The following ZNF483 variants were observed in gnomAD, a reference collection of about 807,000 sequenced individuals.
ZNF483 encodes zinc finger protein HIT-10.
ZNF483 carries 9 observed loss-of-function variants against 28.6 expected under a neutral mutation model. The observed-to-expected ratio is 0.32, with a 90% CI of 0.19 to 0.55. ZNF483 has a LOEUF of 0.55. ZNF483 is among the 20% of genes least tolerant of loss of function. ZNF483 has a pLI of 0.93. For synonymous variants in ZNF483, 322 were observed against 306.2 expected (o/e 1.05, Z -0.54); for missense variants, 675 against 871.7 (o/e 0.77, Z 2.84).
intron 5 of ZNF483, chr9:111,564,048 T>A (rs1564609778): frequency 5.8e-6 from 1 of 173,474 alleles, no homozygotes. Context: ...TTCATGTTAG[T>A]GAGAAAGGGT....
At chr9:111,528,060 G>A in intron 2 of ZNF483, 1 of 1,395,370 alleles carries the variant, frequency 7.2e-7, no homozygotes, top group Non-Finnish European at 9.4e-7. Flanking sequence ...GACAAGATAG[G>A]ATATAATATA....
intron 5 of ZNF483, among the ~76,000 whole-genome samples, chr9:111,567,167 TA>T (rs907531749): frequency 6.6e-6 from 1 of 152,124 alleles, no homozygotes; most frequent in Non-Finnish European, 1.5e-5. Flanking sequence ...TAGGGCCATT[TA>T]AAAACTTGCC....
chr9:111,561,417 A>T (rs1343709433), intron 5 of ZNF483, among the ~76,000 whole-genome samples: 7 of 152,108 alleles, frequency 4.6e-5, no homozygotes, highest in Non-Finnish European at 4.4e-5. Flanking sequence ...CTGGGACTAT[A>T]GGCACACACC....
chr9:111,543,765 C>CTTTTTTTT lies in ZNF483; in HGVS notation c.*598_*605dup, dbSNP rs143231263. On this transcript the variant is annotated 3_prime_UTR_variant, in exon 6 of 6. Transcript: ENST00000309235. ...CTATTCAGGATGCTGGACTTCTTTT[C>CTTTTTTTT]TTTTTTTTTTCTTTTTTTTTTTTCA... 1 of 733,512 alleles carries CTTTTTTTT rather than the reference C, an allele frequency of 1.4e-6. No homozygotes were observed. Among genetic ancestry groups the CTTTTTTTT allele is most frequent in the Admixed American group, 8.5e-5 (1 of 11,812 alleles). 45.4% of individuals were successfully genotyped at this position (733,512 alleles called of 1,614,324 possible).
intron 5 of ZNF483, chr9:111,563,208 A>G (rs777442842): frequency 1.9e-6 from 3 of 1,613,778 alleles, no homozygotes; most frequent in Non-Finnish European, 2.5e-6. Flanking sequence ...CTTCAATGAT[A>G]TATTCCTTGT....
chr9:111,551,780 T>C lies in ZNF483; in HGVS notation c.*8610T>C, dbSNP rs185837152. On this transcript the variant is annotated 3_prime_UTR_variant, in exon 6 of 6. Coordinates refer to ENST00000309235, the MANE Select transcript of ZNF483 (RefSeq NM_133464.5). ...TTCATTTAATATCTAGGCAAAATTA[T>C]ATCACTTTCAAAACTTTTTAAGTAA... Among the ~76,000 whole-genome samples, 2 of 152,342 alleles carry C rather than the reference T, an allele frequency of 1.3e-5. No homozygotes were observed. The highest frequency in any genetic ancestry group is 2.4e-5 in the African/African-American group (1 of 41,574).
chr9:111,560,668 G>A (rs1368142566), intron 5 of ZNF483, among the ~76,000 whole-genome samples: 8 of 135,074 alleles, frequency 5.9e-5, no homozygotes, highest in Non-Finnish European at 9.3e-5. Flanking sequence ...AAGGCACCAC[G>A]CACGGTGGTT....
chr9:111,569,446 T>C (rs1828712291), intron 5 of ZNF483, among the ~76,000 whole-genome samples: 1 of 152,190 alleles, frequency 6.6e-6, no homozygotes, highest in Non-Finnish European at 1.5e-5. Context: ...AATCAACCAG[T>C]GGATTTCACT....
At chr9:111,529,544 T>G (rs906116513) in intron 2 of ZNF483, among the ~76,000 whole-genome samples, 24 of 152,206 alleles carry the variant, frequency 1.6e-4, no homozygotes, top group African/African-American at 5.3e-4. Context: ...AGTTAGCAGG[T>G]TTGAGCAACT....
In ZNF483 at chr9:111,545,067, G is replaced by T. The variant is rs1827775307; in HGVS notation, c.*1897G>T. On this transcript the variant is annotated 3_prime_UTR_variant, in exon 6 of 6. Coordinates refer to ENST00000309235, the MANE Select transcript of ZNF483 (RefSeq NM_133464.5). ...GTGTGAAATGCTACCTCTGGGAGAA[G>T]GTTTTTGGTGCCTCCCCAACCCCAA... Among the ~76,000 whole-genome samples, 1 of 152,158 alleles carries T rather than the reference G, an allele frequency of 6.6e-6. No individual in the cohort carries two copies. The highest frequency in any genetic ancestry group is 2.4e-5 in the African/African-American group (1 of 41,442).
At position 111,546,486 on chromosome 9, in the gene ZNF483, G is replaced by A. The variant is rs569861980; in HGVS notation, c.*3316G>A. 1.1e-4 allele frequency among the ~76,000 whole-genome samples: 17 copies of A among 152,172 alleles called. No individual in the cohort carries two copies. Among genetic ancestry groups the A allele is most frequent in the African/African-American group, 3.6e-4 (15 of 41,544 alleles). ...GTCAGATTATCAAAAGGCTTTAAAC[G>A]TCTTTTGATTCATTATAGGATTGCT... On this transcript the variant is annotated 3_prime_UTR_variant, in exon 6 of 6. Coordinates refer to ENST00000309235, the MANE Select transcript of ZNF483 (RefSeq NM_133464.5).
Position 111,549,666 on chromosome 9 carries a change from T to A in ZNF483, c.*6496T>A, listed in dbSNP as rs1827882374. 6.9e-7 allele frequency: 1 copy of A among 1,458,834 alleles called. No homozygotes were observed. The allele number at this position is 1,458,834 out of a possible 1,614,324, so 90.4% of individuals were successfully genotyped here. ...GTGGTGGTGGCAGCGGCAGCAGGGTTCCCCATTGATTTTCTAAATGTTTGT... is the reference window on the plus strand; with the variant it reads ...GTGGTGGTGGCAGCGGCAGCAGGGTACCCCATTGATTTTCTAAATGTTTGT... On this transcript the variant is annotated 3_prime_UTR_variant, in exon 6 of 6. Coordinates refer to ENST00000309235, the MANE Select transcript of ZNF483 (RefSeq NM_133464.5).
downstream of ZNF483, among the ~76,000 whole-genome samples, chr9:111,557,000 A>AT (rs1828142806): frequency 6.6e-6 from 1 of 152,062 alleles, no homozygotes; most frequent in Admixed American, 6.5e-5. Context: ...CTGTGAAACC[A>AT]TTTTTTATCT....
intron 5 of ZNF483, among the ~76,000 whole-genome samples, chr9:111,562,238 A>G (rs1034558921): frequency 6.6e-6 from 1 of 151,302 alleles, no homozygotes; most frequent in East Asian, 1.9e-4. Flanking sequence ...CACTTTAAAG[A>G]TGAAAAATCA....
intron 5 of ZNF483, among the ~76,000 whole-genome samples, chr9:111,569,212 G>A (rs989899462): frequency 3.9e-5 from 6 of 152,096 alleles, no homozygotes; most frequent in African/African-American, 7.2e-5. Flanking sequence ...GAGCCCAGAC[G>A]AGCTAACTAA....
chr9:111,557,750 A>T (rs1828166825), downstream of ZNF483, among the ~76,000 whole-genome samples: 1 of 152,144 alleles, frequency 6.6e-6, no homozygotes, highest in Non-Finnish European at 1.5e-5. Context: ...ATTATGGATG[A>T]TGTTAACCTT....
chr9:111,569,986 ACGATG>A, intron 5 of ZNF483: 1 of 1,546,054 alleles, frequency 6.5e-7, no homozygotes, highest in Non-Finnish European at 8.8e-7. Context: ...GGAAAAACTG[ACGATG>A]CGGCAGAGAT....
rs1827850646 is a variant in ZNF483, at chr9:111,548,301, T to C, written c.*5131T>C. ...GAACCCCAGGTGTCTTTCCATGTATTTGTGCCGTCTTTAATTTTTTCAGCA... is the reference window on the plus strand; with the variant it reads ...GAACCCCAGGTGTCTTTCCATGTATCTGTGCCGTCTTTAATTTTTTCAGCA... On this transcript the variant is annotated 3_prime_UTR_variant, in exon 6 of 6. Transcript: ENST00000309235. Among the ~76,000 whole-genome samples the C allele has an allele frequency of 6.6e-6, 1 of 151,406 alleles. No homozygotes were observed.
intron 5 of ZNF483, chr9:111,569,976 G>A: frequency 6.6e-7 from 1 of 1,518,162 alleles, no homozygotes; most frequent in East Asian, 2.4e-5. Flanking sequence ...GACCCAATAG[G>A]GAAAAACTGA....
Sources: gnomAD v4.1 joint callset for allele counts (sites outside exome capture counted in the v4.1 genomes callset) on GRCh38, gnomAD v4.1.1 for gene constraint, MANE v1.5 for transcripts, NCBI Gene and HGNC (gene_info 2026-07-23, HGNC 2026-07-21) for gene names.